The following SAMSN1 variants were observed in gnomAD, a reference collection of about 807,000 sequenced individuals.
SAMSN1 encodes SAM domain-containing protein SAMSN-1.
Under a neutral mutation model 42.0 loss-of-function variants are expected in SAMSN1, and 31 were observed. The observed-to-expected ratio is 0.74, with a 90% CI of 0.55 to 1.00. The LOEUF (loss-of-function observed/expected upper bound fraction) is 1.00. Ranked by LOEUF, SAMSN1 falls within the 50% of genes least tolerant of loss-of-function variation. The probability of loss-of-function intolerance (pLI) is 0.00; values close to 1 mark genes in which losing one functional copy is unlikely to be tolerated. For missense variants in SAMSN1, 464 were observed against 439.4 expected (o/e 1.06, Z -0.50); for synonymous variants, 178 against 151.9 (o/e 1.17, Z -1.26).
Position 14,521,188 on chromosome 21 carries a change from G to C in SAMSN1, c.91C>G (p.Arg31Gly). The change falls in exon 2 of 8, where the codon CGG becomes GGG. Residue 31 changes from arginine (R) to glycine (G), a missense_variant. By Grantham distance (125) the Arg-to-Gly change is moderately radical (BLOSUM62 -2). Transcript: ENST00000400566. ...SSSFGNFDRFRNNSLSKPDDS... is the reference protein window; with the variant it reads ...SSSFGNFDRFGNNSLSKPDDS... ...TCTGGTTTTGATAAAGAATTATTCC[G>C]AAAACGATCGAAATTCCCAAAACTG... is the stretch of plus-strand genomic sequence containing the variant. 5.6e-6 allele frequency: 9 copies of C among 1,610,836 alleles called. No homozygotes were observed. The South Asian group carries it at 7.7e-5, about 14-fold the overall frequency.
At chr21:14,502,345 T>C (rs1324931167) in intron 5 of SAMSN1, among the ~76,000 whole-genome samples, 1 of 152,032 alleles carries the variant, frequency 6.6e-6, no homozygotes, top group Non-Finnish European at 1.5e-5. Flanking sequence ...CTCTGGAAAG[T>C]TTCTAGGCAT....
intron 5 of SAMSN1, among the ~76,000 whole-genome samples, chr21:14,503,905 C>T (rs927401399): frequency 3.6e-4 from 55 of 152,128 alleles, no homozygotes; most frequent in African/African-American, 1.3e-3. Flanking sequence ...AGCTGAGAGG[C>T]CCACAGACAG....
intron 7 of SAMSN1, among the ~76,000 whole-genome samples, chr21:14,492,752 T>C (rs938243677): frequency 7.9e-5 from 12 of 152,218 alleles, no homozygotes; most frequent in African/African-American, 2.9e-4. Context: ...CCATCATAAA[T>C]GAAAGTTTGG....
intron 7 of SAMSN1, among the ~76,000 whole-genome samples, chr21:14,590,408 C>T (rs968413875): frequency 6.6e-6 from 1 of 151,862 alleles, no homozygotes; most frequent in Non-Finnish European, 1.5e-5. Context: ...CTCCCAAAGC[C>T]CTGGGACTAC....
At chr21:14,604,613 G>A (rs1982518177) in intron 5 of SAMSN1, among the ~76,000 whole-genome samples, 2 of 152,182 alleles carry the variant, frequency 1.3e-5, no homozygotes, top group Non-Finnish European at 2.9e-5. Context: ...TTGGGTTCTT[G>A]GGATGTTCAT....
intron 1 of SAMSN1, among the ~76,000 whole-genome samples, chr21:14,528,079 C>T (rs1053767880): frequency 1.4e-4 from 21 of 151,708 alleles, no homozygotes; most frequent in Admixed American, 3.3e-4. Context: ...ATAAGATGGC[C>T]GAAGAATTGG....
At chr21:14,621,395 C>T (rs1983001231) in intron 2 of SAMSN1, among the ~76,000 whole-genome samples, 1 of 152,178 alleles carries the variant, frequency 6.6e-6, no homozygotes, top group African/African-American at 2.4e-5. Context: ...TCTTTCCTAG[C>T]CAAGGGAAGC....
intron 2 of SAMSN1, among the ~76,000 whole-genome samples, chr21:14,625,259 C>T (rs567040937): frequency 9.2e-5 from 14 of 152,042 alleles, no homozygotes; most frequent in African/African-American, 1.4e-4. Context: ...TTCAACATAG[C>T]GTTGGAAGTT....
At chr21:14,626,150 AT>A (rs1192073555) in intron 2 of SAMSN1, among the ~76,000 whole-genome samples, 1 of 152,198 alleles carries the variant, frequency 6.6e-6, no homozygotes, top group South Asian at 2.1e-4. Flanking sequence ...AAAGACTTAC[AT>A]GTCAGACCTA....
chr21:14,625,805 G>A (rs141233043), intron 2 of SAMSN1, among the ~76,000 whole-genome samples: 3,209 of 152,250 alleles, frequency 0.021, 52 homozygotes, highest in Non-Finnish European at 0.032. Context: ...AACCAAACAA[G>A]AGCCTGCATT....
At chr21:14,585,431 G>A (rs921225826), upstream of SAMSN1, 1 of 152,118 alleles carries the variant, frequency 6.6e-6, no homozygotes. Flanking sequence ...TGTGAAAAAG[G>A]CTTTCACTTA....
intron 1 of SAMSN1, among the ~76,000 whole-genome samples, chr21:14,541,282 T>C (rs1169562893): frequency 2.2e-5 from 3 of 137,354 alleles, no homozygotes; most frequent in African/African-American, 8.2e-5. Context: ...AATGGAAAAA[T>C]AAACAAAGAA....
At chr21:14,630,698 G>T (rs1600974506) in intron 2 of SAMSN1, among the ~76,000 whole-genome samples, 1 of 152,190 alleles carries the variant, frequency 6.6e-6, no homozygotes, top group Non-Finnish European at 1.5e-5. Flanking sequence ...ATATTGGCTT[G>T]TTATGAGTCA....
chr21:14,528,483 C>T lies in SAMSN1; in HGVS notation c.58-7262G>A, dbSNP rs1979025354. 5.9e-5 allele frequency among the ~76,000 whole-genome samples: 9 copies of T among 152,140 alleles called. 1 individual carries two copies. In the South Asian group the frequency reaches 1.9e-3, roughly 32 times the overall value. ...AAGGCAGATGTACTAAAAAAAGGCT[C>T]TGTGCTTATGTCCTGCTCCCCTGAG... On this transcript the variant is annotated intron_variant, in intron 1 of 7. Transcript: ENST00000400566.
At chr21:14,594,042 T>C in exon 7 of SAMSN1, 1 of 715,674 alleles carries the variant, frequency 1.4e-6, no homozygotes, top group Non-Finnish European at 2.6e-6. Context: ...TCAACATGTC[T>C]TTGATAGTGA....
intron 2 of SAMSN1, among the ~76,000 whole-genome samples, chr21:14,626,741 T>C (rs1186375366): frequency 6.6e-6 from 1 of 152,206 alleles, no homozygotes; most frequent in East Asian, 1.9e-4. Flanking sequence ...GATCTAGAAC[T>C]AGAAATTCCA....
At chr21:14,634,360 T>C (rs747033046) in intron 2 of SAMSN1, among the ~76,000 whole-genome samples, 4 of 151,902 alleles carry the variant, frequency 2.6e-5, no homozygotes, top group Non-Finnish European at 4.4e-5. Context: ...AAAGAAACTA[T>C]CATCAGAATG....
intron 5 of SAMSN1, among the ~76,000 whole-genome samples, chr21:14,605,108 G>T (rs914857966): frequency 1.3e-5 from 2 of 152,202 alleles, no homozygotes; most frequent in Non-Finnish European, 2.9e-5. Flanking sequence ...GGCAGCAAGG[G>T]ATGATGTAAA....
chr21:14,572,712 G>A (rs1473452951), intron 2 of SAMSN1, among the ~76,000 whole-genome samples: 1 of 152,132 alleles, frequency 6.6e-6, no homozygotes, highest in Non-Finnish European at 1.5e-5. Flanking sequence ...TTATCAAGCT[G>A]TTAAACCCTT....
Sources: allele counts gnomAD v4.1 joint callset (sites outside exome capture counted in the v4.1 genomes callset), GRCh38; gene constraint gnomAD v4.1.1; transcripts MANE v1.5; gene names NCBI Gene and HGNC (gene_info 2026-07-23, HGNC 2026-07-21).